Variants in PPP2R3B observed in about 807,000 individuals in gnomAD.
The protein encoded by PPP2R3B is protein phosphatase 2 regulatory subunit B''beta, also known as serine/threonine-protein phosphatase 2A regulatory subunit B'' subunit beta.
PPP2R3B carries 68 observed loss-of-function variants against 72.9 expected under a neutral mutation model. The observed-to-expected ratio is 0.93, with a 90% confidence interval of 0.77 to 1.14. The LOEUF is 1.14. Ranked by LOEUF, PPP2R3B falls within the 50% of genes most tolerant of loss-of-function variation. The pLI, the probability that PPP2R3B is intolerant of heterozygous loss-of-function variation, is 0.00. For synonymous variants in PPP2R3B, 466 were observed against 375.8 expected (o/e 1.24, Z -2.78); for missense variants, 1,018 against 842.0 (o/e 1.21, Z -2.59).
chrX:340,320 C>A (rs1281108650), intron 10 of PPP2R3B, among the ~76,000 whole-genome samples: 2 of 151,118 alleles, frequency 1.3e-5, no homozygotes. Context: ...CTCTAGGTCA[C>A]CCCTCGGGGG....
intron 2 of PPP2R3B, among the ~76,000 whole-genome samples, chrX:349,808 A>C (rs1489725631): frequency 6.6e-6 from 1 of 152,244 alleles, no homozygotes; most frequent in African/African-American, 2.4e-5. Context: ...CAGTGTCTAC[A>C]AAGCAAACTG....
intron 2 of PPP2R3B, among the ~76,000 whole-genome samples, chrX:352,746 G>A (rs1459539774): frequency 1.3e-5 from 2 of 151,946 alleles, no homozygotes; most frequent in African/African-American, 4.8e-5. Context: ...CGACAGGTGT[G>A]AGAGGAGAAA....
At chrX:346,663 C>A in intron 5 of PPP2R3B, 38 bp downstream of exon 5, 1 of 1,576,124 alleles carries the variant, frequency 6.3e-7, no homozygotes, top group Non-Finnish European at 8.7e-7. Context: ...CACCCGCGCC[C>A]CGCGCTGGAA....
At chrX:344,042 A>G (rs1471901148) in intron 7 of PPP2R3B, among the ~76,000 whole-genome samples, 1 of 124,988 alleles carries the variant, frequency 8.0e-6, no homozygotes, top group African/African-American at 3.3e-5. Context: ...GACGTCGCCA[A>G]CGGGAGGCGG....
chrX:379,305 A>C (rs2072072043), intron 1 of PPP2R3B, among the ~76,000 whole-genome samples: 1 of 135,124 alleles, frequency 7.4e-6, no homozygotes. Context: ...GTGTGTATGG[A>C]CCTATGTATG....
rs1441417023 is a variant in PPP2R3B at position 356,896 on chromosome X, CA to C, written c.510+4508del. ...CAGTATCCACACCCCGCCAGCCACA[CA>C]GCGAGCCCCACGGTAACCACGCCTT... On this transcript the variant is annotated intron_variant, in intron 2 of 12. Coordinates refer to ENST00000390665, the MANE Select transcript of PPP2R3B (RefSeq NM_013239.5). 3.5e-4 allele frequency among the ~76,000 whole-genome samples: 42 copies of C among 119,534 alleles called. 1 individual carries two copies. Among genetic ancestry groups the C allele is most frequent in the Non-Finnish European group, 5.9e-5 (3 of 50,452 alleles). The allele number at this position is 119,534 out of a possible 152,430, so 78.4% of individuals were successfully genotyped here. A position where few individuals can be genotyped will look rare whatever the true frequency, so the allele number is the denominator to read the frequency against.
chrX:341,832 G>A lies in PPP2R3B; in HGVS notation c.1085+51C>T, dbSNP rs374711197. On this transcript the variant is annotated intron_variant, in intron 8 of 12. Transcript: ENST00000390665. The stretch of plus-strand genomic sequence containing the variant: ...TCAGGCAACGATGAGGAGAGGGACC[G>A]GGGTCCTCGCAGGGGCAATGGCTGC... The A allele has an allele frequency of 1.5e-3, 2,346 of 1,592,480 alleles. 4 individuals are homozygous for A. Among genetic ancestry groups the A allele is most frequent in the Admixed American group, 3.1e-3 (186 of 59,990 alleles).
chrX:373,208 G>A (rs2071904766), intron 1 of PPP2R3B, among the ~76,000 whole-genome samples: 1 of 152,162 alleles, frequency 6.6e-6, no homozygotes, highest in African/African-American at 2.4e-5. Flanking sequence ...GCTCTCACCC[G>A]CCTTGGTTGA....
In PPP2R3B at chrX:347,225, G is replaced by A; in HGVS notation, c.717+9C>T. ...GGATAAGGCCTGTGGTGTAGACGCAGGCTCTCACCTGCAAGAAGGGGACAA... is the reference window on the plus strand; with the variant it reads ...GGATAAGGCCTGTGGTGTAGACGCAAGCTCTCACCTGCAAGAAGGGGACAA... On this transcript the variant is annotated intron_variant, in intron 4 of 12. Coordinates refer to ENST00000390665, the MANE Select transcript of PPP2R3B (RefSeq NM_013239.5). 2 of 1,612,652 alleles carry A rather than the reference G, an allele frequency of 1.2e-6. No homozygotes were observed. The highest frequency in any genetic ancestry group is 2.2e-5 in the South Asian group (2 of 91,026).
intron 2 of PPP2R3B, among the ~76,000 whole-genome samples, chrX:360,497 G>A (rs972582796): frequency 6.6e-6 from 1 of 152,200 alleles, no homozygotes; most frequent in African/African-American, 2.4e-5. Context: ...TTACACCACT[G>A]CACTCCAGCC....
chrX:335,648 G>A (rs1489424301), intron 12 of PPP2R3B: 2 of 152,386 alleles, frequency 1.3e-5, no homozygotes, highest in South Asian at 4.1e-4. Flanking sequence ...GCTGCCTGAA[G>A]ATACTCAAGG....
intron 1 of PPP2R3B, among the ~76,000 whole-genome samples, chrX:364,048 A>G (rs1444050795): frequency 6.6e-6 from 1 of 152,234 alleles, no homozygotes; most frequent in Non-Finnish European, 1.5e-5. Flanking sequence ...AACCCGGGGA[A>G]GCCCGTGGAG....
chrX:352,733 A>G (rs2738403), intron 2 of PPP2R3B, among the ~76,000 whole-genome samples: 54,485 of 151,464 alleles, frequency 0.36, 11,883 homozygotes, highest in African/African-American at 0.61. Context: ...CGCCGACACC[A>G]ACCGACAGGT....
rs2070953287 is a variant in PPP2R3B, at chrX:338,528, TCCCA to T, written c.1577+72_1577+75del. Reference sequence around the variant, plus strand: ...CCCCCGGCTGCACACACACCCGTCCTCCCACTCACCCGTCCTCCCCACTCACCCG... The same window carrying T: ...CCCCCGGCTGCACACACACCCGTCCTCTCACCCGTCCTCCCCACTCACCCG... On this transcript the variant is annotated intron_variant, in intron 12 of 12. Transcript: ENST00000390665. 1.6e-5 allele frequency: 7 copies of T among 444,608 alleles called. No individual in the cohort carries two copies. In the South Asian group the frequency reaches 2.5e-4, roughly 16 times the overall value. 27.5% of individuals were successfully genotyped at this position (444,608 alleles called of 1,614,324 possible). A position where few individuals can be genotyped will look rare whatever the true frequency, so the allele number is the denominator to read the frequency against.
intron 12 of PPP2R3B, chrX:334,722 T>G (rs1380153547): frequency 1.7e-6 from 1 of 595,218 alleles, no homozygotes; most frequent in East Asian, 3.4e-5. Flanking sequence ...GGGCCTGCGG[T>G]GCAGGTGAAA....
chrX:367,028 A>C (rs1186448562), intron 1 of PPP2R3B, among the ~76,000 whole-genome samples: 5 of 117,902 alleles, frequency 4.2e-5, no homozygotes, highest in Admixed American at 7.5e-5. Context: ...ACTCTGTCTC[A>C]AAAAAAAAAA....
intron 1 of PPP2R3B, among the ~76,000 whole-genome samples, chrX:368,833 G>A (rs1188380801): frequency 1.7e-5 from 2 of 120,962 alleles, no homozygotes; most frequent in Admixed American, 1.6e-4. Flanking sequence ...GGAAGGCCGG[G>A]ACCACCCACC....
At chrX:347,912 G>A in intron 2 of PPP2R3B, 1 of 542,938 alleles carries the variant, frequency 1.8e-6, no homozygotes, top group East Asian at 3.1e-5. Flanking sequence ...CGGGCACGCA[G>A]TATCCCCTGA....
intron 8 of PPP2R3B, 56 bp from the exon 9 acceptor site, chrX:341,452 G>A: frequency 1.9e-6 from 3 of 1,582,138 alleles, no homozygotes; most frequent in South Asian, 2.2e-5. Context: ...GAGCTTCACA[G>A]GAACGGAGCC....
Sources: allele counts gnomAD v4.1 joint callset (sites outside exome capture counted in the v4.1 genomes callset), GRCh38; gene constraint gnomAD v4.1.1; transcripts MANE v1.5; gene names NCBI Gene and HGNC (gene_info 2026-07-23, HGNC 2026-07-21).